The following GPR158 variants were observed in gnomAD, a reference collection of about 807,000 sequenced individuals.
GPR158 encodes the protein G protein-coupled receptor 158, also known as metabotropic glycine receptor.
In GPR158, 30 loss-of-function variants were observed where a neutral mutation model predicts 78.2. The ratio of observed to expected loss-of-function variants is 0.38; its 90% CI spans 0.29 to 0.52. GPR158 has a LOEUF of 0.52. Among genes scored for constraint, GPR158 ranks in the 20% least tolerant of loss-of-function variants. The pLI, the probability that GPR158 is intolerant of heterozygous loss-of-function variation, is 0.83. For synonymous variants in GPR158, 581 were observed against 591.1 expected (o/e 0.98, Z 0.25); for missense variants, 1,463 against 1,523.5 (o/e 0.96, Z 0.66).
chr10:25,525,973 G>T (rs1031536173), intron 5 of GPR158, among the ~76,000 whole-genome samples: 1 of 151,818 alleles, frequency 6.6e-6, no homozygotes, highest in African/African-American at 2.4e-5. Context: ...AGATGTGGTG[G>T]CATGTGCTTG....
At chr10:25,241,280 C>CT (rs1554787187) in intron 2 of GPR158, among the ~76,000 whole-genome samples, 825 of 24,052 alleles carry the variant, frequency 0.034, 21 homozygotes, top group African/African-American at 0.059. Flanking sequence ...TCCTTTCTTT[C>CT]TTTCTTTTCT....
chr10:25,558,313 A>G (rs1420735826), intron 6 of GPR158, among the ~76,000 whole-genome samples: 1 of 152,234 alleles, frequency 6.6e-6, no homozygotes, highest in Non-Finnish European at 1.5e-5. Context: ...ATAGCTGATA[A>G]ACACTTTATT....
intron 1 of GPR158, among the ~76,000 whole-genome samples, chr10:25,186,050 A>T (rs1422814537): frequency 6.6e-6 from 1 of 152,180 alleles, no homozygotes; most frequent in Non-Finnish European, 1.5e-5. Context: ...ATCAAACTAG[A>T]ACTCAGGATT....
chr10:25,375,142 A>T (rs796672127), intron 2 of GPR158, among the ~76,000 whole-genome samples: 4 of 151,858 alleles, frequency 2.6e-5, no homozygotes, highest in African/African-American at 9.6e-5. Flanking sequence ...CTTGTGAATG[A>T]TGATGAACAT....
At chr10:25,434,651 G>A (rs1004823424) in intron 4 of GPR158, among the ~76,000 whole-genome samples, 2 of 152,108 alleles carry the variant, frequency 1.3e-5, no homozygotes, top group Admixed American at 1.3e-4. Flanking sequence ...ATGGAGAAAG[G>A]AATATAAGGA....
chr10:25,316,897 G>GTGTGTA lies in GPR158; in HGVS notation c.1009-79009_1009-79008insATGTGT, dbSNP rs1554793265. Among the ~76,000 whole-genome samples, 3 of 107,284 alleles carry GTGTGTA rather than the reference G, an allele frequency of 2.8e-5. No homozygotes were observed. In the East Asian group the frequency reaches 6.4e-4, roughly 23 times the overall value. 70.4% of individuals were successfully genotyped at this position (107,284 alleles called of 152,430 possible). A position where few individuals can be genotyped will look rare whatever the true frequency, so the allele number is the denominator to read the frequency against. On this transcript the variant is annotated intron_variant, in intron 2 of 10. Coordinates refer to ENST00000376351, the MANE Select transcript of GPR158 (RefSeq NM_020752.3). ...TATGTATGTATGTATTTGTGTGTGT[G>GTGTGTA]TGTGTGTGTGTGTTTATGTGTGTGT...
At chr10:25,428,397 A>G (rs1383614575) in intron 4 of GPR158, among the ~76,000 whole-genome samples, 1 of 152,060 alleles carries the variant, frequency 6.6e-6, no homozygotes, top group Non-Finnish European at 1.5e-5. Flanking sequence ...TTCGTTAATT[A>G]TATAAAAAGA....
chr10:25,382,310 T>C (rs113716617), intron 2 of GPR158, among the ~76,000 whole-genome samples: 1 of 152,190 alleles, frequency 6.6e-6, no homozygotes, highest in South Asian at 2.1e-4. Context: ...CAGTGTGAAG[T>C]CTGCAGACTT....
rs77055106 is a variant in GPR158, at chr10:25,452,286, T to G, written c.1336-14365T>G. 6.3e-3 allele frequency among the ~76,000 whole-genome samples: 955 copies of G among 152,130 alleles called. 5 individuals carry two copies. Among genetic ancestry groups the G allele is most frequent in the Non-Finnish European group, 9.6e-3 (656 of 67,992 alleles). Reference sequence around the variant, plus strand: ...GTCTCAAACTCCTGGGCTTAAATAATCCTCTCGCCCCTGCCTCGCAAAATG... The same window carrying G: ...GTCTCAAACTCCTGGGCTTAAATAAGCCTCTCGCCCCTGCCTCGCAAAATG... On this transcript the variant is annotated intron_variant, in intron 4 of 10. Coordinates refer to ENST00000376351, the MANE Select transcript of GPR158 (RefSeq NM_020752.3).
At chr10:25,330,585 T>G (rs1289221890) in intron 2 of GPR158, among the ~76,000 whole-genome samples, 4 of 152,352 alleles carry the variant, frequency 2.6e-5, no homozygotes, top group African/African-American at 9.6e-5. Flanking sequence ...AGGTTATATC[T>G]TGGGAATGTT....
chr10:25,181,781 G>A (rs900288713), intron 1 of GPR158, among the ~76,000 whole-genome samples: 11 of 152,092 alleles, frequency 7.2e-5, no homozygotes, highest in Non-Finnish European at 1.0e-4. Flanking sequence ...GCAGTGGCAC[G>A]ATCTCAGGTC....
At chr10:25,278,689 G>A (rs1368194293) in intron 2 of GPR158, among the ~76,000 whole-genome samples, 1 of 151,408 alleles carries the variant, frequency 6.6e-6, no homozygotes, top group African/African-American at 2.4e-5. Context: ...GTACAAAGGA[G>A]TAACAGAGAC....
At chr10:25,537,238 C>T (rs1836513138) in intron 5 of GPR158, among the ~76,000 whole-genome samples, 6 of 152,160 alleles carry the variant, frequency 3.9e-5, no homozygotes. Flanking sequence ...TTGAACTATC[C>T]ATTTTTCCAT....
At chr10:25,521,740 A>G (rs530615090) in intron 5 of GPR158, among the ~76,000 whole-genome samples, 1 of 152,236 alleles carries the variant, frequency 6.6e-6, no homozygotes, top group Non-Finnish European at 1.5e-5. Flanking sequence ...TCATCCTTGC[A>G]CATGGGCCAT....
At chr10:25,574,216 A>G (rs1257098274) in intron 7 of GPR158, among the ~76,000 whole-genome samples, 2 of 149,832 alleles carry the variant, frequency 1.3e-5, no homozygotes, top group African/African-American at 4.9e-5. Flanking sequence ...AGCATGGCCT[A>G]TTCACCAAGA....
Position 25,282,282 on chromosome 10 carries a change from A to G in GPR158, c.1008+61125A>G, listed in dbSNP as rs150613045. On this transcript the variant is annotated intron_variant, in intron 2 of 10. Transcript: ENST00000376351. ...ATTTATCATAATCCATGAGATATTC[A>G]TTCATATTGTTGTATGTGTTAATAG... Among the ~76,000 whole-genome samples, 440 of 152,206 alleles carry G rather than the reference A, an allele frequency of 2.9e-3. 1 individual carries two copies. Among genetic ancestry groups the G allele is most frequent in the African/African-American group, 0.01 (420 of 41,474 alleles).
chr10:25,456,043 C>A (rs1207102925), intron 4 of GPR158, among the ~76,000 whole-genome samples: 1 of 152,258 alleles, frequency 6.6e-6, no homozygotes, highest in Non-Finnish European at 1.5e-5. Flanking sequence ...TTCCTGTTTT[C>A]ATCATCTTTG....
At chr10:25,482,355 T>A (rs539766151) in intron 5 of GPR158, among the ~76,000 whole-genome samples, 2 of 152,214 alleles carry the variant, frequency 1.3e-5, no homozygotes, top group Middle Eastern at 3.4e-3. Context: ...GGCTACTTTT[T>A]AAATTTTCTT....
chr10:25,306,208 C>T (rs1339385630), intron 2 of GPR158, among the ~76,000 whole-genome samples: 1 of 152,158 alleles, frequency 6.6e-6, no homozygotes, highest in African/African-American at 2.4e-5. Context: ...TGTACAGTGG[C>T]TCCCTACTAT....
Sources: allele counts gnomAD v4.1 joint callset (sites outside exome capture counted in the v4.1 genomes callset), GRCh38; gene constraint gnomAD v4.1.1; transcripts MANE v1.5; gene names NCBI Gene and HGNC (gene_info 2026-07-23, HGNC 2026-07-21).